Variants in SYNGR3 observed in about 807,000 individuals in gnomAD.
The protein encoded by SYNGR3 is synaptogyrin-3.
SYNGR3 carries 10 observed loss-of-function variants against 18.5 expected under a neutral mutation model. The ratio of observed to expected loss-of-function variants is 0.54; its 90% CI spans 0.33 to 0.92. The LOEUF (loss-of-function observed/expected upper bound fraction) is 0.92, where lower values mean the gene tolerates loss of function less well. Ranked by LOEUF, SYNGR3 falls within the 40% of genes least tolerant of loss-of-function variation. SYNGR3 has a pLI of 0.02. For synonymous variants in SYNGR3, 188 were observed against 157.2 expected, an observed-to-expected ratio of 1.20 and a Z score of -1.47; for missense variants, 335 against 332.8, an observed-to-expected ratio of 1.01 and a Z score of -0.05.
intron 1 of SYNGR3, 128 bp from the exon 2 acceptor site, chr16:1,991,844 AAG>A: frequency 5.5e-6 from 4 of 730,026 alleles, no homozygotes; most frequent in Non-Finnish European, 8.5e-6. Flanking sequence ...TCGGGAAAGA[AAG>A]AGGTGACACC....
chr16:1,990,093 C>T lies in SYNGR3; in HGVS notation c.-10C>T. On this transcript the variant is annotated 5_prime_UTR_variant, in exon 1 of 4. Coordinates refer to ENST00000248121, the MANE Select transcript of SYNGR3 (RefSeq NM_004209.6). ...AGGCGCCAGGGGCGCGCGTCCCGCC[C>T]GGGCCGGCCATGGAGGGCGCCTCCT... 1 of 1,194,288 alleles carries T rather than the reference C, an allele frequency of 8.4e-7. No homozygotes were observed. The highest frequency in any genetic ancestry group is 1.0e-6 in the Non-Finnish European group (1 of 961,274). 74.0% of individuals were successfully genotyped at this position (1,194,288 alleles called of 1,614,324 possible).
chr16:1,992,534 G>A (rs1464630346), intron 2 of SYNGR3, 102 bp from the exon 3 acceptor site: 6 of 1,404,644 alleles, frequency 4.3e-6, no homozygotes, highest in South Asian at 1.4e-5. Context: ...GAGCCCAGGC[G>A]AGGCGCCCCA....
Position 1,993,607 on chromosome 16 carries a change from C to G in SYNGR3, c.*535C>G, listed in dbSNP as rs545899743. The G allele has an allele frequency of 1.1e-5, 5 of 457,082 alleles. No homozygotes were observed. The highest frequency in any genetic ancestry group is 1.0e-4 in the African/African-American group (5 of 50,250). 28.3% of individuals were successfully genotyped at this position (457,082 alleles called of 1,614,324 possible). On this transcript the variant is annotated 3_prime_UTR_variant, in exon 4 of 4. Transcript: ENST00000248121. The stretch of plus-strand genomic sequence containing the variant: ...CTCACAGGCTGCTAGAACAGCCCAG[C>G]CCTGTCAGTGTTGTGATCATGGTCC...
In SYNGR3 at chr16:1,992,749, G is replaced by T; in HGVS notation, c.451G>T (p.Ala151Ser). ...QAGDAARAAI[A>S]FSFFSILSWV... Reference sequence around the variant, plus strand: ...GGGGGACGCGGCGCGGGCCGCCATCGCCTTCAGCTTCTTCTCCATCCTCAG... The same window carrying T: ...GGGGGACGCGGCGCGGGCCGCCATCTCCTTCAGCTTCTTCTCCATCCTCAG... The change falls in exon 3 of 4, where the codon GCC becomes TCC. Residue 151 changes from alanine to serine, a missense_variant. Transcript: ENST00000248121. The T allele has an allele frequency of 6.3e-7, 1 of 1,579,000 alleles. No individual in the cohort carries two copies.
intron 1 of SYNGR3, 171 bp downstream of exon 1, chr16:1,990,372 G>T: frequency 2.3e-6 from 1 of 434,506 alleles, no homozygotes; most frequent in Non-Finnish European, 4.1e-6. Flanking sequence ...TGACGTCACC[G>T]GGCAGGGCGC....
At chr16:1,992,327 C>A (rs2083608498) in intron 2 of SYNGR3, 116 bp downstream of exon 2, 5 of 237,724 alleles carry the variant, frequency 2.1e-5, no homozygotes, top group Non-Finnish European at 2.7e-5. Flanking sequence ...TGACGAGGGG[C>A]GGGGACTGAG....
Position 1,990,078 on chromosome 16 carries a change from GGC to G in SYNGR3, c.-19_-18del. 8.8e-7 allele frequency: 1 copy of G among 1,137,992 alleles called. No homozygotes were observed. Among genetic ancestry groups the G allele is most frequent in the Non-Finnish European group, 1.1e-6 (1 of 913,206 alleles). 70.5% of individuals were successfully genotyped at this position (1,137,992 alleles called of 1,614,324 possible). ...GGACAGGCGGACAGAAGGCGCCAGG[GGC>G]GCGCGTCCCGCCCGGGCCGGCCATG... On this transcript the variant is annotated 5_prime_UTR_variant, in exon 1 of 4. Coordinates refer to ENST00000248121, the MANE Select transcript of SYNGR3 (RefSeq NM_004209.6).
In SYNGR3 at chr16:1,993,258, C is replaced by T; in HGVS notation, c.*186C>T. 4.4e-6 allele frequency: 3 copies of T among 688,096 alleles called. No homozygotes were observed. In the Admixed American group the frequency reaches 7.9e-5, roughly 18 times the overall value. 42.6% of individuals were successfully genotyped at this position (688,096 alleles called of 1,614,324 possible). The stretch of plus-strand genomic sequence containing the variant: ...GCTGCCCCTGCCAAGTTCCCCCAGT[C>T]CCTCAGCACCTGGCCCCAGGACTGA... On this transcript the variant is annotated 3_prime_UTR_variant, in exon 4 of 4. Transcript: ENST00000248121.
In SYNGR3 at chr16:1,993,756, C is replaced by T; in HGVS notation, c.*684C>T. On this transcript the variant is annotated 3_prime_UTR_variant, in exon 4 of 4. Transcript: ENST00000248121. ...AGGTAGCTGTGGGCCAAGACACCAGCCCTGTCCTAGCCCTTCAGTAAGACC... is the reference window on the plus strand; with the variant it reads ...AGGTAGCTGTGGGCCAAGACACCAGTCCTGTCCTAGCCCTTCAGTAAGACC... 1 of 383,708 alleles carries T rather than the reference C, an allele frequency of 2.6e-6. No homozygotes were observed. The highest frequency in any genetic ancestry group is 1.9e-5 in the South Asian group (1 of 52,850). The allele number at this position is 383,708 out of a possible 1,614,324, so 23.8% of individuals were successfully genotyped here. A position where few individuals can be genotyped will look rare whatever the true frequency, so the allele number is the denominator to read the frequency against.
At position 1,993,027 on chromosome 16, in the gene SYNGR3, G is replaced by A. The variant is rs373599226; in HGVS notation, c.645G>A (p.Glu215=). ...TETYQSPPFT[E]TLDTSPKGYQ... ...CCTACCAGAGCCCGCCCTTCACCGAGACCCTGGACACCAGCCCCAAAGGGT... is the reference window on the plus strand; with the variant it reads ...CCTACCAGAGCCCGCCCTTCACCGAAACCCTGGACACCAGCCCCAAAGGGT... Residue 215 remains glutamate, a synonymous_variant, in exon 4 of 4, where the codon GAG becomes GAA. Transcript: ENST00000248121. 2 of 1,611,946 alleles carry A rather than the reference G, an allele frequency of 1.2e-6. No individual in the cohort carries two copies. Among genetic ancestry groups the A allele is most frequent in the East Asian group, 2.2e-5 (1 of 44,844 alleles).
Position 1,990,013 on chromosome 16 carries a change from C to A in SYNGR3, c.-90C>A. 1 of 392,760 alleles carries A rather than the reference C, an allele frequency of 2.5e-6. No homozygotes were observed. Among genetic ancestry groups the A allele is most frequent in the Non-Finnish European group, 3.9e-6 (1 of 253,402 alleles). 24.3% of individuals were successfully genotyped at this position (392,760 alleles called of 1,614,324 possible). On this transcript the variant is annotated 5_prime_UTR_variant, in exon 1 of 4. Transcript: ENST00000248121. The stretch of plus-strand genomic sequence containing the variant: ...GCGTTGGTAGCATCAGCATCAGCAT[C>A]AGCGGCAGCGGCAGCGGCCTCGGGC...
intron 2 of SYNGR3, chr16:1,992,421 C>T: frequency 1.3e-6 from 1 of 752,234 alleles, no homozygotes; most frequent in Non-Finnish European, 1.9e-6. Context: ...TCTAGGTAGG[C>T]GGGGCCCGGG....
At chr16:1,990,495 G>A (rs1419205703) in intron 1 of SYNGR3, 1 of 535,106 alleles carries the variant, frequency 1.9e-6, no homozygotes, top group African/African-American at 2.0e-5. Flanking sequence ...GTCCCTTTCC[G>A]CAGCCCTTAC....
At chr16:1,992,517 A>ACGCGGCGAGCCCAGGCGAGG in intron 2 of SYNGR3, 119 bp from the exon 3 acceptor site, 3 of 1,324,206 alleles carry the variant, frequency 2.3e-6, no homozygotes, top group Admixed American at 3.4e-5. Context: ...ACCTCGCGCC[A>ACGCGGCGAGCCCAGGCGAGG]CGCGGCGAGC....
Position 1,993,128 on chromosome 16 carries a change from G to T in SYNGR3, c.*56G>T. ...GCCACCCCACCAACGCAGGCCCCAG[G>T]GTCTCCGGGACCTCCCTTGGGTCCT... is the stretch of plus-strand genomic sequence containing the variant. On this transcript the variant is annotated 3_prime_UTR_variant, in exon 4 of 4. Transcript: ENST00000248121. The T allele has an allele frequency of 6.4e-7, 1 of 1,552,842 alleles. No individual in the cohort carries two copies. Among genetic ancestry groups the T allele is most frequent in the South Asian group, 1.2e-5 (1 of 85,328 alleles).
At position 1,992,765 on chromosome 16, in the gene SYNGR3, C is replaced by T. The variant is rs746642045; in HGVS notation, c.467C>T (p.Ser156Phe). The change falls in exon 3 of 4, where the codon TCC (serine) becomes TTC (phenylalanine). Residue 156 changes from serine (S) to phenylalanine (F), a missense_variant. Ser to Phe is a radical substitution (Grantham distance 155). Transcript: ENST00000248121. ...GCCGCCATCGCCTTCAGCTTCTTCT[C>T]CATCCTCAGCTGGGTGAGTGCGGGG... ...ARAAIAFSFFSILSWVALTVK... is the reference protein window; with the variant it reads ...ARAAIAFSFFFILSWVALTVK... 1.8e-5 allele frequency: 28 copies of T among 1,570,198 alleles called. No homozygotes were observed. The highest frequency in any genetic ancestry group is 4.3e-6 in the Non-Finnish European group (5 of 1,162,116).
At chr16:1,992,268 C>CG (rs2083608100) in intron 2 of SYNGR3, 57 bp downstream of exon 2, 2 of 34,656 alleles carry the variant, frequency 5.8e-5, no homozygotes, top group African/African-American at 5.7e-4. Flanking sequence ...GGGGAGGGGG[C>CG]GGGGCCTGGG....
At chr16:1,991,897 C>T in intron 1 of SYNGR3, 77 bp from the exon 2 acceptor site, 5 of 1,339,674 alleles carry the variant, frequency 3.7e-6, no homozygotes, top group Non-Finnish European at 5.1e-6. Flanking sequence ...CAGGGACAGG[C>T]CCAGGGGCGT....
Position 1,992,313 on chromosome 16 carries a change from G to A in SYNGR3, c.337+102G>A, listed in dbSNP as rs985342742. 6 of 919,142 alleles carry A rather than the reference G, an allele frequency of 6.5e-6. No homozygotes were observed. In the African/African-American group the frequency reaches 7.1e-5, roughly 11 times the overall value. 56.9% of individuals were successfully genotyped at this position (919,142 alleles called of 1,614,324 possible). A position where few individuals can be genotyped will look rare whatever the true frequency, so the allele number is the denominator to read the frequency against. On this transcript the variant is annotated intron_variant, in intron 2 of 3. Coordinates refer to ENST00000248121, the MANE Select transcript of SYNGR3 (RefSeq NM_004209.6). ...CCGCTGGAGTTTCCAGCTGGGCGTG[G>A]CCGTGACGAGGGGCGGGGACTGAGG...
Sources: allele counts gnomAD v4.1 joint callset, GRCh38; gene constraint gnomAD v4.1.1; transcripts MANE v1.5; gene names NCBI Gene and HGNC (gene_info 2026-07-23, HGNC 2026-07-21).